Variants in TM2D1 observed in about 807,000 individuals in gnomAD.
The protein encoded by TM2D1 is TM2 domain containing 1, also known as TM2 domain-containing protein 1.
TM2D1 carries 15 observed loss-of-function variants against 28.4 expected under a neutral mutation model. That is an observed-to-expected ratio of 0.53 (90% confidence interval 0.35 to 0.81). The LOEUF is 0.81. Among genes scored for constraint, TM2D1 ranks in the 40% least tolerant of loss-of-function variants. The pLI, the probability that TM2D1 is intolerant of heterozygous loss-of-function variation, is 0.01. For missense variants in TM2D1, 236 were observed against 254.9 expected, an observed-to-expected ratio of 0.93 and a Z score of 0.50; for synonymous variants, 93 against 96.2, an observed-to-expected ratio of 0.97 and a Z score of 0.20.
chr1:61,710,029 A>C (rs1306425873), intron 2 of TM2D1, among the ~76,000 whole-genome samples: 1 of 152,320 alleles, frequency 6.6e-6, no homozygotes, highest in Non-Finnish European at 1.5e-5. Context: ...TTACAGACCC[A>C]GACAAGCACT....
At chr1:61,706,530 C>T (rs1644441819) in intron 3 of TM2D1, among the ~76,000 whole-genome samples, 1 of 151,354 alleles carries the variant, frequency 6.6e-6, no homozygotes, top group African/African-American at 2.4e-5. Context: ...TAACTTAGAC[C>T]AGGCGCGGTG....
chr1:61,699,709 T>A (rs1389729166), intron 4 of TM2D1: 1 of 152,388 alleles, frequency 6.6e-6, no homozygotes, highest in Non-Finnish European at 1.5e-5. Flanking sequence ...CGGTTATGGT[T>A]CTGTTACAGC....
intron 5 of TM2D1, chr1:61,686,988 A>C: frequency 4.1e-6 from 4 of 984,748 alleles, no homozygotes; most frequent in Non-Finnish European, 4.8e-6. Context: ...GACCATGTCC[A>C]TTTGTCCATA....
rs149969652 is a variant in TM2D1 at position 61,683,395 on chromosome 1, CATAT to C, written c.*19+18_*19+21del. 8 of 708,434 alleles carry C rather than the reference CATAT, an allele frequency of 1.1e-5. No individual in the cohort carries two copies. The highest frequency in any genetic ancestry group is 4.0e-5 in the Admixed American group (1 of 25,216). The allele number at this position is 708,434 out of a possible 1,614,324, so 43.9% of individuals were successfully genotyped here. On this transcript the variant is annotated intron_variant, in intron 6 of 6. Transcript: ENST00000606498. ...AATAATATACCACTATAAGATATTA[CATAT>C]ATATATATATCACTTACTGTTTCTT... is the stretch of plus-strand genomic sequence containing the variant.
chr1:61,704,418 G>T (rs1246001954), intron 3 of TM2D1, among the ~76,000 whole-genome samples: 1 of 151,840 alleles, frequency 6.6e-6, no homozygotes, highest in Admixed American at 6.6e-5. Context: ...AAGTTTTTTT[G>T]GTTTTTTGTT....
chr1:61,696,542 CAAA>C (rs10710571), intron 4 of TM2D1, among the ~76,000 whole-genome samples: 46 of 121,534 alleles, frequency 3.8e-4, no homozygotes, highest in Admixed American at 5.0e-4. Context: ...AACCTTGTCT[CAAA>C]AAAAAAAAAA....
Position 61,691,932 on chromosome 1 carries a change from A to AAAAATATATATATATATATAT in TM2D1, c.513+2764_513+2765insATATATATATATATATATTTT. Among the ~76,000 whole-genome samples the AAAAATATATATATATATATAT allele has an allele frequency of 1.8e-3, 139 of 76,244 alleles. 1 individual carries two copies. Among genetic ancestry groups the AAAAATATATATATATATATAT allele is most frequent in the South Asian group, 4.0e-3 (9 of 2,278 alleles). 50.0% of individuals were successfully genotyped at this position (76,244 alleles called of 152,430 possible). Reference sequence around the variant, plus strand: ...TCTCAAAAAAAACTTAAAAAAAAAAAATATATATATATATATATATATATA... The same window carrying AAAAATATATATATATATATAT: ...TCTCAAAAAAAACTTAAAAAAAAAAAAAAATATATATATATATATATATATATATATATATATATATATATA... On this transcript the variant is annotated intron_variant, in intron 5 of 6. Coordinates refer to ENST00000606498, the MANE Select transcript of TM2D1 (RefSeq NM_032027.3).
At chr1:61,700,036 G>C in intron 4 of TM2D1, 1 of 1,211,024 alleles carries the variant, frequency 8.3e-7, no homozygotes, top group Admixed American at 4.2e-5. Context: ...CTTTAAATTT[G>C]CTCAGTGAAG....
In TM2D1 at chr1:61,720,443, T is replaced by C. The variant is rs180738559; in HGVS notation, c.238+3270A>G. Among the ~76,000 whole-genome samples the C allele has an allele frequency of 3.3e-5, 5 of 152,160 alleles. No individual in the cohort carries two copies. The East Asian group carries it at 7.7e-4, about 24-fold the overall frequency. On this transcript the variant is annotated intron_variant, in intron 2 of 6. Coordinates refer to ENST00000606498, the MANE Select transcript of TM2D1 (RefSeq NM_032027.3). ...TTTTAGTAGAGACAGGGTTTCGCCA[T>C]GTTTGCCAGACTGGTCTCAAACTCC... is the stretch of plus-strand genomic sequence containing the variant.
At position 61,723,798 on chromosome 1, in the gene TM2D1, A is replaced by AG; in HGVS notation, c.165-13dup. On this transcript the variant is annotated splice_polypyrimidine_tract_variant and intron_variant, in intron 1 of 6. Transcript: ENST00000606498. ...CTTTACAAATATATGTAAAAAAAAA[A>AG]GTTAAGGAAATACGGACTACATTCC... 1 of 1,357,434 alleles carries AG rather than the reference A, an allele frequency of 7.4e-7. No homozygotes were observed. 84.1% of individuals were successfully genotyped at this position (1,357,434 alleles called of 1,614,324 possible).
intron 5 of TM2D1, among the ~76,000 whole-genome samples, chr1:61,691,594 A>G: frequency 6.6e-6 from 1 of 151,146 alleles, no homozygotes; most frequent in Admixed American, 6.6e-5. Context: ...AACTCGTATT[A>G]TCTAATCTAT....
At chr1:61,702,046 T>C (rs1195602117) in intron 3 of TM2D1, among the ~76,000 whole-genome samples, 2 of 151,812 alleles carry the variant, frequency 1.3e-5, no homozygotes, top group African/African-American at 2.4e-5. Context: ...AAAAATTAGC[T>C]GGACGTGGTG....
At chr1:61,723,214 C>G (rs1164127049) in intron 2 of TM2D1, among the ~76,000 whole-genome samples, 1 of 152,032 alleles carries the variant, frequency 6.6e-6, no homozygotes, top group African/African-American at 2.4e-5. Flanking sequence ...GTAATATAAT[C>G]AAAGTAATAG....
chr1:61,687,764 G>A (rs2148034094), intron 5 of TM2D1, among the ~76,000 whole-genome samples: 1 of 152,204 alleles, frequency 6.6e-6, no homozygotes, highest in East Asian at 1.9e-4. Context: ...AGACTTCTGA[G>A]TTCCTCCATA....
At chr1:61,708,604 AT>A (rs1644456232) in intron 3 of TM2D1, among the ~76,000 whole-genome samples, 1 of 152,198 alleles carries the variant, frequency 6.6e-6, no homozygotes, top group Admixed American at 6.5e-5. Context: ...ATCCATATTT[AT>A]CACAAAGAAT....
At chr1:61,715,403 G>A (rs756698214) in intron 2 of TM2D1, among the ~76,000 whole-genome samples, 4 of 151,840 alleles carry the variant, frequency 2.6e-5, no homozygotes, top group Admixed American at 6.6e-5. Context: ...GGTAGCTCAC[G>A]TCTCTAATCC....
intron 2 of TM2D1, among the ~76,000 whole-genome samples, chr1:61,716,174 C>A (rs1158190028): frequency 1.3e-5 from 2 of 151,018 alleles, no homozygotes. Flanking sequence ...AAAAAATTAG[C>A]CAGGCATGGT....
At chr1:61,687,745 C>T (rs1456254285) in intron 5 of TM2D1, among the ~76,000 whole-genome samples, 2 of 152,114 alleles carry the variant, frequency 1.3e-5, no homozygotes, top group African/African-American at 2.4e-5. Context: ...TATGCTTTCT[C>T]TATCTAAAAG....
At chr1:61,715,548 T>G (rs970149160) in intron 2 of TM2D1, among the ~76,000 whole-genome samples, 11 of 142,012 alleles carry the variant, frequency 7.7e-5, no homozygotes, top group Non-Finnish European at 1.3e-4. Context: ...CTGAAGAGGC[T>G]GAGGCACAAG....
Sources: gnomAD v4.1 joint callset for allele counts (sites outside exome capture counted in the v4.1 genomes callset) on GRCh38, gnomAD v4.1.1 for gene constraint, MANE v1.5 for transcripts, NCBI Gene and HGNC (gene_info 2026-07-23, HGNC 2026-07-21) for gene names.